The following ZNF532 variants were observed in gnomAD, a reference collection of about 807,000 sequenced individuals.
The protein encoded by ZNF532 is zinc finger protein 532.
A neutral mutation model predicts 89.3 loss-of-function variants in ZNF532; 22 were observed. That is an observed-to-expected ratio of 0.25 (90% CI 0.18 to 0.35). ZNF532 has a LOEUF of 0.35. ZNF532 is among the 10% of genes least tolerant of loss of function. The pLI, the probability that ZNF532 is intolerant of heterozygous loss-of-function variation, is 1.00. For missense variants in ZNF532, 1,132 were observed against 1,643.4 expected, an observed-to-expected ratio of 0.69 and a Z score of 5.38; for synonymous variants, 606 against 649.6, an observed-to-expected ratio of 0.93 and a Z score of 1.02.
chr18:58,873,071 G>T (rs983558543), intron 2 of ZNF532, among the ~76,000 whole-genome samples: 4 of 151,360 alleles, frequency 2.6e-5, no homozygotes, highest in African/African-American at 7.3e-5. Flanking sequence ...GCAGTGCTGC[G>T]ATCTTTGCTC....
rs200634927 is a variant in ZNF532 at position 58,880,754 on chromosome 18, GCGCGCGCA to G, written c.-18+15183_-18+15190del. On this transcript the variant is annotated intron_variant, in intron 2 of 9. Transcript: ENST00000591808. ...TGTATATTTGAGCCCTCTCATAGGC[GCGCGCGCA>G]CGCGCGCGCGTCTGTGTGTGTGTGT... Among the ~76,000 whole-genome samples the G allele has an allele frequency of 2.4e-4, 34 of 140,980 alleles. 1 individual carries two copies. The highest frequency in any genetic ancestry group is 3.2e-4 in the African/African-American group (11 of 34,514). 92.5% of individuals were successfully genotyped at this position (140,980 alleles called of 152,430 possible). A position where few individuals can be genotyped will look rare whatever the true frequency, so the allele number is the denominator to read the frequency against.
chr18:58,981,499 C>T lies in ZNF532; in HGVS notation c.3293C>T (p.Thr1098Ile). The T allele has an allele frequency of 1.2e-6, 2 of 1,613,640 alleles. No individual in the cohort carries two copies. The highest frequency in any genetic ancestry group is 1.3e-5 in the African/African-American group (1 of 75,046). The change falls in exon 9 of 10, where the codon ACC becomes ATC. Residue 1098 changes from threonine (T) to isoleucine (I), a missense_variant. Physicochemically the swap from Thr to Ile is moderately conservative, Grantham distance 89 (BLOSUM62 -1). Transcript: ENST00000591808. ...TGCCCAGACTCCAGACGTACCTTTA[C>T]CAAACGTTTGATGCTGGAGAAGCAC... is the stretch of plus-strand genomic sequence containing the variant. ...SHCPDSRRTF[T>I]KRLMLEKHVQ...
At chr18:58,951,714 A>G (rs1046733674) in intron 6 of ZNF532, among the ~76,000 whole-genome samples, 1 of 127,794 alleles carries the variant, frequency 7.8e-6, no homozygotes, top group Admixed American at 1.0e-4. Context: ...CAGTGGGGAG[A>G]TCTCTGCTCA....
At chr18:58,913,087 G>A (rs2060381050) in intron 2 of ZNF532, among the ~76,000 whole-genome samples, 1 of 152,168 alleles carries the variant, frequency 6.6e-6, no homozygotes, top group South Asian at 2.1e-4. Flanking sequence ...GATTGAAGTG[G>A]GATAAAAGCG....
At chr18:58,970,289 T>G (rs747871243) in intron 7 of ZNF532, among the ~76,000 whole-genome samples, 14 of 152,226 alleles carry the variant, frequency 9.2e-5, no homozygotes, top group Non-Finnish European at 1.8e-4. Flanking sequence ...GCCAAAAGAT[T>G]CTATAACTAC....
intron 7 of ZNF532, among the ~76,000 whole-genome samples, chr18:58,977,882 G>T (rs1021910706): frequency 2.0e-5 from 3 of 152,138 alleles, no homozygotes; most frequent in Non-Finnish European, 4.4e-5. Flanking sequence ...TTATCACATA[G>T]CTTGCAATCA....
At chr18:58,893,406 C>T (rs1471858833) in intron 2 of ZNF532, among the ~76,000 whole-genome samples, 1 of 152,130 alleles carries the variant, frequency 6.6e-6, no homozygotes, top group Admixed American at 6.5e-5. Context: ...GCGGCTCACA[C>T]CTGTAATCCC....
intron 7 of ZNF532, among the ~76,000 whole-genome samples, chr18:58,961,195 A>G (rs1042931465): frequency 9.2e-5 from 14 of 152,270 alleles, no homozygotes; most frequent in African/African-American, 3.1e-4. Context: ...ATGGAACCCG[A>G]TCATTTGCAT....
chr18:58,940,840 G>A (rs1377348508), intron 5 of ZNF532, among the ~76,000 whole-genome samples: 3 of 141,758 alleles, frequency 2.1e-5, no homozygotes, highest in African/African-American at 7.8e-5. Flanking sequence ...TAGATTTGCT[G>A]TCCAAATCTG....
intron 5 of ZNF532, among the ~76,000 whole-genome samples, chr18:58,942,333 C>CCCTT (rs1385957081): frequency 1.9e-4 from 11 of 59,266 alleles, no homozygotes; most frequent in Non-Finnish European, 3.2e-4. Flanking sequence ...CTCCCTCCCT[C>CCCTT]CCTCCCTCCC....
chr18:58,904,281 G>A (rs555075384), intron 2 of ZNF532, among the ~76,000 whole-genome samples: 42 of 152,090 alleles, frequency 2.8e-4, no homozygotes, highest in African/African-American at 9.6e-4. Flanking sequence ...GAGCCTGGGA[G>A]GGGGAGGCTG....
At chr18:58,924,419 C>A (rs2061370041) in intron 3 of ZNF532, among the ~76,000 whole-genome samples, 3 of 152,218 alleles carry the variant, frequency 2.0e-5, no homozygotes, top group Non-Finnish European at 4.4e-5. Context: ...CTGAACCAAC[C>A]TTGCTGCCAC....
At chr18:58,943,158 CTT>C (rs11289347) in intron 5 of ZNF532, among the ~76,000 whole-genome samples, 3,951 of 123,032 alleles carry the variant, frequency 0.032, 148 homozygotes, top group African/African-American at 0.11. Flanking sequence ...ATTACTATAT[CTT>C]TTTTTTTTTT....
chr18:58,970,802 G>T (rs2066403268), intron 7 of ZNF532, among the ~76,000 whole-genome samples: 3 of 152,226 alleles, frequency 2.0e-5, no homozygotes, highest in Admixed American at 2.0e-4. Context: ...ATCCCCACTG[G>T]CCAGTGGAGG....
rs12606500 is a variant in ZNF532, at chr18:58,962,544, A to G, written c.3150+8745A>G. Among the ~76,000 whole-genome samples the G allele has an allele frequency of 0.052, 7,968 of 151,850 alleles. 1,119 individuals carry two copies. The East Asian group carries it at 0.54, about 10-fold the overall frequency. On this transcript the variant is annotated intron_variant, in intron 7 of 9. Coordinates refer to ENST00000591808, the MANE Select transcript of ZNF532 (RefSeq NM_001375912.1). ...TCACCCGGAGAGCCTACGGCCCAGC[A>G]CACTTGGTGCTCACCAGACCAGCTA...
intron 3 of ZNF532, among the ~76,000 whole-genome samples, chr18:58,930,493 C>T (rs1408659047): frequency 4.6e-5 from 7 of 151,836 alleles, no homozygotes; most frequent in African/African-American, 9.7e-5. Context: ...CCAGGCATGG[C>T]GGTGCGTGCC....
At chr18:58,977,189 T>C (rs1017105717) in intron 7 of ZNF532, among the ~76,000 whole-genome samples, 20 of 152,194 alleles carry the variant, frequency 1.3e-4, no homozygotes, top group African/African-American at 4.1e-4. Flanking sequence ...ACCAGACTGA[T>C]TTGGTTTATT....
At chr18:58,881,377 C>T (rs929101412) in intron 2 of ZNF532, among the ~76,000 whole-genome samples, 1 of 152,120 alleles carries the variant, frequency 6.6e-6, no homozygotes, top group Non-Finnish European at 1.5e-5. Context: ...CTCAGCTGAT[C>T]CTGCCTCGGC....
chr18:58,963,051 C>A (rs1345357271), intron 7 of ZNF532, among the ~76,000 whole-genome samples: 1 of 152,102 alleles, frequency 6.6e-6, no homozygotes, highest in Non-Finnish European at 1.5e-5. Context: ...CACCAACACA[C>A]CTTTGTTGAG....
Sources: gnomAD v4.1 joint callset for allele counts (sites outside exome capture counted in the v4.1 genomes callset) on GRCh38, gnomAD v4.1.1 for gene constraint, MANE v1.5 for transcripts, NCBI Gene and HGNC (gene_info 2026-07-23, HGNC 2026-07-21) for gene names.